Variants in ERN1 observed in about 807,000 individuals in gnomAD.
ERN1 encodes endoplasmic reticulum to nucleus signaling 1.
ERN1 carries 39 observed loss-of-function variants against 113.1 expected under a neutral mutation model. The observed-to-expected ratio is 0.34, with a 90% CI of 0.27 to 0.45. The LOEUF is 0.45. Ranked by LOEUF, ERN1 falls within the 20% of genes least tolerant of loss-of-function variation. The pLI is 1.00. For synonymous variants in ERN1, 507 were observed against 515.9 expected, an observed-to-expected ratio of 0.98 and a Z score of 0.23; for missense variants, 976 against 1,274.8, an observed-to-expected ratio of 0.77 and a Z score of 3.57.
At position 64,044,005 on chromosome 17, in the gene ERN1, T is replaced by G; in HGVS notation, c.2917A>C (p.Thr973Pro). ...GCCCTCGCTCAGAGGGCGTCTGGAG[T>G]CACTGGGGGCTGGGGCTCTGGGGGC... is the stretch of plus-strand genomic sequence containing the variant. ...HEPPEPQPPV[T>P]PDAL Residue 973 changes from threonine (T) to proline (P), a missense_variant, in exon 22 of 22, where the codon ACT becomes CCT. Physicochemically the swap from Thr to Pro is conservative, Grantham distance 38. Around this residue, in one of 5 missense-constraint regions of ERN1, gnomAD observed 92 missense variants for 87.3 expected, o/e 1.05. Transcript: ENST00000433197. The surrounding 1 kb of genome is among the most constrained non-coding windows in gnomAD (Gnocchi z 4.1). 1 of 1,611,080 alleles carries G rather than the reference T, an allele frequency of 6.2e-7. No homozygotes were observed. Among genetic ancestry groups the G allele is most frequent in the South Asian group, 1.1e-5 (1 of 90,860 alleles).
At position 64,053,324 on chromosome 17, in the gene ERN1, G is replaced by A. The variant is rs747754405; in HGVS notation, c.2001C>T (p.Thr667=). The A allele has an allele frequency of 6.2e-7, 1 of 1,612,040 alleles. No individual in the cohort carries two copies. The highest frequency in any genetic ancestry group is 8.5e-7 in the Non-Finnish European group (1 of 1,179,254). ...GGCCCGAGGTGGTCTGCTGCAGCAA[G>A]GTGATGGGCTCCAGGCCGAGATGCG... ...DFAHLGLEPI[T]LLQQTTSGLA... is the part of the protein sequence containing the mutation. Residue 667 remains threonine (T), a synonymous_variant, in exon 16 of 22, where the codon ACC becomes ACT. Coordinates refer to ENST00000433197, the MANE Select transcript of ERN1 (RefSeq NM_001433.5).
rs895840363 is a variant in ERN1, at chr17:64,098,190, A to C, written c.106T>G (p.Ser36Ala). 1.9e-6 allele frequency: 3 copies of C among 1,613,942 alleles called. No homozygotes were observed. The highest frequency in any genetic ancestry group is 1.3e-5 in the African/African-American group (1 of 75,034). ...VTLPETLLFV[S>A]TLDGSLHAVS... is the part of the protein sequence containing the mutation. ...GCATGCAAACTTCCATCCAGCGTTG[A>C]CACAAACAACAAGGTTTCAGGAAGC... The change falls in exon 2 of 22, where the codon TCA (serine) becomes GCA (alanine). Residue 36 changes from serine to alanine, a missense_variant. Physicochemically the swap from Ser to Ala is moderately conservative, Grantham distance 99. This residue lies in a region of ERN1 where 459 missense variants were observed against 581.2 expected (regional missense o/e 0.79). Coordinates refer to ENST00000433197, the MANE Select transcript of ERN1 (RefSeq NM_001433.5).
intron 1 of ERN1, chr17:64,098,585 G>C (rs762700324): frequency 1.8e-6 from 1 of 550,162 alleles, no homozygotes; most frequent in Non-Finnish European, 3.6e-6. Context: ...TCTAAAACCT[G>C]GGCATCTCAT....
chr17:64,045,801 T>C (rs1912495768), intron 19 of ERN1, among the ~76,000 whole-genome samples: 2 of 152,156 alleles, frequency 1.3e-5, no homozygotes. Context: ...GTGCAATCTA[T>C]ATCCAATGAA....
chr17:64,052,704 G>T, intron 17 of ERN1, 76 bp downstream of exon 17: 1 of 1,384,858 alleles, frequency 7.2e-7, no homozygotes, highest in African/African-American at 1.4e-5. Flanking sequence ...CCCAAACCTG[G>T]AATTTAAAGG....
rs186305118 is a variant in ERN1, at chr17:64,055,926, A to C, written c.1421T>G (p.Leu474Arg). Residue 474 changes from leucine (L) to arginine (R), a missense_variant, in exon 13 of 22, where the codon CTC (leucine) becomes CGC (arginine). Physicochemically the swap from Leu to Arg is moderately radical, Grantham distance 102 (BLOSUM62 -2). Around this residue, in one of 5 missense-constraint regions of ERN1, gnomAD observed 16 missense variants for 42.3 expected, o/e 0.38. Transcript: ENST00000433197. ...TTCCTTCTGGAACTGCTGGTGCTGGAGCTGCTGCTGCTGATGCATGCTCTG... is the reference window on the plus strand; with the variant it reads ...TTCCTTCTGGAACTGCTGGTGCTGGCGCTGCTGCTGCTGATGCATGCTCTG... ...YPLSMHQQQQ[L>R]QHQQFQKELE... The C allele has an allele frequency of 0.011, 17,110 of 1,547,414 alleles. 123 individuals carry two copies. Among genetic ancestry groups the C allele is most frequent in the Admixed American group, 0.016 (807 of 50,548 alleles).
At chr17:64,082,322 C>T (rs531026874) in intron 2 of ERN1, among the ~76,000 whole-genome samples, 34 of 152,206 alleles carry the variant, frequency 2.2e-4, no homozygotes, top group African/African-American at 7.5e-4. Flanking sequence ...AATCACCTCT[C>T]GGTACACTCT....
At chr17:64,101,270 GTGGTGGTGGGTGC>G (rs1208378269) in intron 1 of ERN1, among the ~76,000 whole-genome samples, 1 of 152,004 alleles carries the variant, frequency 6.6e-6, no homozygotes, top group Non-Finnish European at 1.5e-5. Context: ...TTAGCCGGGC[GTGGTGGTGGGTGC>G]CTGTAATCCC....
intron 11 of ERN1, among the ~76,000 whole-genome samples, chr17:64,059,525 C>T (rs1912984979): frequency 6.6e-6 from 1 of 152,224 alleles, no homozygotes; most frequent in South Asian, 2.1e-4. Context: ...CTTCCACCTC[C>T]TCCACCGGCT....
chr17:64,116,577 T>C (rs1350580038), intron 1 of ERN1, among the ~76,000 whole-genome samples: 1 of 152,014 alleles, frequency 6.6e-6, no homozygotes, highest in Non-Finnish European at 1.5e-5. Context: ...CTTACCGCAT[T>C]TCAATTTATC....
chr17:64,102,982 AG>A, intron 1 of ERN1: 1 of 985,044 alleles, frequency 1.0e-6, no homozygotes, highest in Non-Finnish European at 1.2e-6. Flanking sequence ...GAGGGTGGGA[AG>A]GGTAGTGGCA....
rs1912927877 is a variant in ERN1 at position 64,057,924 on chromosome 17, G to A, written c.1276C>T (p.Pro426Ser). Residue 426 changes from proline to serine, a missense_variant, in exon 12 of 22, where the codon CCC becomes TCC. Pro to Ser is a moderately conservative substitution (Grantham distance 74). Transcript: ENST00000433197. Reference sequence around the variant, plus strand: ...TCGGGCCGGGCAGGGGCATGGGCGGGCTTCTCCTCCACATCCCGAGACACG... The same window carrying A: ...TCGGGCCGGGCAGGGGCATGGGCGGACTTCTCCTCCACATCCCGAGACACG... ...TTVSRDVEEK[P>S]AHAPARPEAP... The A allele has an allele frequency of 6.2e-7, 1 of 1,610,650 alleles. No homozygotes were observed. The highest frequency in any genetic ancestry group is 1.7e-5 in the Admixed American group (1 of 59,448).
At chr17:64,093,301 T>C (rs1234774673) in intron 2 of ERN1, among the ~76,000 whole-genome samples, 1 of 152,160 alleles carries the variant, frequency 6.6e-6, no homozygotes, top group Non-Finnish European at 1.5e-5. Flanking sequence ...TGAATCCCTC[T>C]TTGAGACTCA....
At chr17:64,104,356 T>G (rs1914466060) in intron 1 of ERN1, among the ~76,000 whole-genome samples, 1 of 152,108 alleles carries the variant, frequency 6.6e-6, no homozygotes. Flanking sequence ...CCTGCAATGG[T>G]AAGTACAGCA....
intron 1 of ERN1, 199 bp downstream of exon 1, chr17:64,129,777 G>T: frequency 2.3e-6 from 1 of 431,824 alleles, no homozygotes; most frequent in Non-Finnish European, 3.9e-6. Flanking sequence ...GTGGGGCCGC[G>T]ACTCCCGTCA....
intron 11 of ERN1, 33 bp from the exon 12 acceptor site, chr17:64,058,026 A>C: frequency 6.7e-7 from 1 of 1,481,676 alleles, no homozygotes; most frequent in Non-Finnish European, 9.0e-7. Flanking sequence ...CATCACTGCA[A>C]AATTTCTAGC....
At chr17:64,060,398 G>T in intron 11 of ERN1, 71 bp downstream of exon 11, 1 of 959,206 alleles carries the variant, frequency 1.0e-6, no homozygotes, top group Non-Finnish European at 1.7e-6. Flanking sequence ...AGAAGGCAGA[G>T]TCAAAGTCTA....
chr17:64,108,391 T>C (rs972040713), intron 1 of ERN1, among the ~76,000 whole-genome samples: 1 of 152,178 alleles, frequency 6.6e-6, no homozygotes, highest in Non-Finnish European at 1.5e-5. Context: ...ATTGCCATCA[T>C]TGGAAGAAGA....
intron 6 of ERN1, among the ~76,000 whole-genome samples, chr17:64,070,054 A>G (rs1269474174): frequency 6.6e-6 from 1 of 152,100 alleles, no homozygotes; most frequent in African/African-American, 2.4e-5. Flanking sequence ...ACTTGCTTTG[A>G]CCAACAGACT....
Sources: allele counts gnomAD v4.1 joint callset (sites outside exome capture counted in the v4.1 genomes callset), GRCh38; gene constraint gnomAD v4.1.1; regional missense constraint gnomAD v4.1.1; non-coding constraint Gnocchi (gnomAD v3.1); transcripts MANE v1.5; gene names NCBI Gene and HGNC (gene_info 2026-07-23, HGNC 2026-07-21).